PDZRN4: variants seen among roughly 807,000 people sequenced by gnomAD.
PDZRN4 encodes the protein PDZ domain-containing RING finger protein 4.
PDZRN4 carries 70 observed loss-of-function variants against 99.0 expected under a neutral mutation model. The ratio of observed to expected loss-of-function variants is 0.71; its 90% CI spans 0.58 to 0.86. The LOEUF is 0.86. PDZRN4 is among the 40% of genes least tolerant of loss of function. PDZRN4 has a pLI of 0.00. For synonymous variants in PDZRN4, 551 were observed against 501.6 expected (o/e 1.10, Z -1.32); for missense variants, 1,474 against 1,331.2 (o/e 1.11, Z -1.67).
At chr12:41,280,374 T>A (rs903278761) in intron 3 of PDZRN4, among the ~76,000 whole-genome samples, 1 of 152,094 alleles carries the variant, frequency 6.6e-6, no homozygotes. Flanking sequence ...ACCCGTTTAC[T>A]CCCCTGGAAA....
chr12:41,211,537 T>C (rs1221737452), intron 3 of PDZRN4, among the ~76,000 whole-genome samples: 1 of 151,976 alleles, frequency 6.6e-6, no homozygotes, highest in Non-Finnish European at 1.5e-5. Context: ...ATCATTAGCA[T>C]GATTAGTGTT....
At chr12:41,540,808 T>G (rs536931226) in intron 5 of PDZRN4, among the ~76,000 whole-genome samples, 1 of 152,174 alleles carries the variant, frequency 6.6e-6, no homozygotes, top group South Asian at 2.1e-4. Flanking sequence ...AAATAAACTT[T>G]CCTACTTGCC....
intron 3 of PDZRN4, among the ~76,000 whole-genome samples, chr12:41,476,443 A>T (rs1953043500): frequency 6.6e-6 from 1 of 152,214 alleles, no homozygotes; most frequent in Admixed American, 6.5e-5. Context: ...CATTCTTTAC[A>T]AAAGCTGAAT....
intron 3 of PDZRN4, among the ~76,000 whole-genome samples, chr12:41,356,251 T>C (rs1280281786): frequency 1.3e-5 from 2 of 152,084 alleles, no homozygotes; most frequent in African/African-American, 2.4e-5. Context: ...TTTAAAATTA[T>C]GTTTAAAAGT....
chr12:41,475,669 A>G (rs1458988552), intron 3 of PDZRN4, among the ~76,000 whole-genome samples: 1 of 152,240 alleles, frequency 6.6e-6, no homozygotes, highest in Non-Finnish European at 1.5e-5. Flanking sequence ...GAGCAAGTCA[A>G]TGGCATAATA....
At chr12:41,434,420 C>T (rs1335851508) in intron 3 of PDZRN4, among the ~76,000 whole-genome samples, 1 of 152,112 alleles carries the variant, frequency 6.6e-6, no homozygotes, top group Non-Finnish European at 1.5e-5. Flanking sequence ...ACCATTCATT[C>T]ACAGTACTTA....
At chr12:41,252,107 C>A (rs1951174940) in intron 3 of PDZRN4, among the ~76,000 whole-genome samples, 1 of 149,528 alleles carries the variant, frequency 6.7e-6, no homozygotes. Flanking sequence ...AAAAGCAAGA[C>A]CCTGTTTTAA....
intron 3 of PDZRN4, among the ~76,000 whole-genome samples, chr12:41,279,887 T>C (rs1007084246): frequency 1.3e-5 from 2 of 152,142 alleles, no homozygotes; most frequent in Non-Finnish European, 2.9e-5. Flanking sequence ...TATAGAACTG[T>C]AAGGTAGAAA....
intron 3 of PDZRN4, among the ~76,000 whole-genome samples, chr12:41,339,101 T>C (rs1160701921): frequency 6.8e-6 from 1 of 146,996 alleles, no homozygotes; most frequent in Non-Finnish European, 1.5e-5. Context: ...CACAAAAGAT[T>C]CAAAGCAGCC....
At chr12:41,383,343 G>A (rs1042396538) in intron 3 of PDZRN4, among the ~76,000 whole-genome samples, 1 of 152,152 alleles carries the variant, frequency 6.6e-6, no homozygotes, top group Admixed American at 6.6e-5. Flanking sequence ...CAGAAAATCC[G>A]AAAAGAAATA....
chr12:41,215,851 G>GTTTT (rs11417657), intron 3 of PDZRN4, among the ~76,000 whole-genome samples: 1 of 148,816 alleles, frequency 6.7e-6, no homozygotes, highest in South Asian at 2.1e-4. Flanking sequence ...AGCCTCCATA[G>GTTTT]TTTTTTTTTT....
At chr12:41,198,672 A>G (rs1243950533) in intron 3 of PDZRN4, among the ~76,000 whole-genome samples, 1 of 150,772 alleles carries the variant, frequency 6.6e-6, no homozygotes, top group Non-Finnish European at 1.5e-5. Flanking sequence ...ATGACGAGTT[A>G]ATGGGTGCAG....
intron 3 of PDZRN4, among the ~76,000 whole-genome samples, chr12:41,216,125 G>A (rs1347987722): frequency 6.6e-6 from 1 of 151,924 alleles, no homozygotes; most frequent in Admixed American, 6.6e-5. Context: ...TTAACTAATA[G>A]GTGACATCCA....
chr12:41,267,709 C>T lies in PDZRN4; in HGVS notation c.843+73521C>T, dbSNP rs1006053947. Among the ~76,000 whole-genome samples the T allele has an allele frequency of 2.3e-4, 35 of 151,144 alleles. No individual in the cohort carries two copies. In the East Asian group the frequency reaches 3.7e-3, roughly 16 times the overall value. ...AAAAAAAATTAACTGGGTATGGTGGCGGATGCCTGTAATCTCAGCTATTTA... is the reference window on the plus strand; with the variant it reads ...AAAAAAAATTAACTGGGTATGGTGGTGGATGCCTGTAATCTCAGCTATTTA... On this transcript the variant is annotated intron_variant, in intron 3 of 9. Transcript: ENST00000402685.
chr12:41,319,242 C>CAA, intron 3 of PDZRN4, among the ~76,000 whole-genome samples: 1 of 152,120 alleles, frequency 6.6e-6, no homozygotes, highest in African/African-American at 2.4e-5. Context: ...TATTCATGTT[C>CAA]TGTTGCTCCA....
chr12:41,506,784 G>A (rs1378054174), intron 4 of PDZRN4, 72 bp downstream of exon 4: 8 of 1,500,658 alleles, frequency 5.3e-6, no homozygotes, highest in East Asian at 4.6e-5. Flanking sequence ...TTGAAAAGAA[G>A]CAGTTCCACT....
chr12:41,210,529 T>C (rs187959752), intron 3 of PDZRN4, among the ~76,000 whole-genome samples: 65 of 152,112 alleles, frequency 4.3e-4, no homozygotes, highest in African/African-American at 1.6e-3. Flanking sequence ...AATATTATAC[T>C]TTAGATCTAC....
At chr12:41,413,438 G>T (rs1459760520) in intron 3 of PDZRN4, among the ~76,000 whole-genome samples, 1 of 152,032 alleles carries the variant, frequency 6.6e-6, no homozygotes, top group African/African-American at 2.4e-5. Context: ...AAAGGAATAA[G>T]TTCTAGTGTT....
rs376238636 is a variant in PDZRN4 at position 41,224,678 on chromosome 12, TTAGAG to T, written c.843+30493_843+30497del. Reference sequence around the variant, plus strand: ...AGGTAAGAAAATCTGAGTTTGTGTCTTAGAGTAATTTATCTACTTTAATCCTAGAG... The same window carrying T: ...AGGTAAGAAAATCTGAGTTTGTGTCTTAATTTATCTACTTTAATCCTAGAG... On this transcript the variant is annotated intron_variant, in intron 3 of 9. Transcript: ENST00000402685. Among the ~76,000 whole-genome samples the T allele has an allele frequency of 1.9e-3, 285 of 152,330 alleles. 1 individual carries two copies. Among genetic ancestry groups the T allele is most frequent in the African/African-American group, 6.5e-3 (270 of 41,586 alleles).
Sources: gnomAD v4.1 joint callset for allele counts (sites outside exome capture counted in the v4.1 genomes callset) on GRCh38, gnomAD v4.1.1 for gene constraint, MANE v1.5 for transcripts, NCBI Gene and HGNC (gene_info 2026-07-23, HGNC 2026-07-21) for gene names.